PTPRD: variants seen among roughly 807,000 people sequenced by gnomAD.
PTPRD encodes receptor-type tyrosine-protein phosphatase delta.
A neutral mutation model predicts 214.5 loss-of-function variants in PTPRD; 34 were observed. The ratio of observed to expected loss-of-function variants is 0.16; its 90% CI spans 0.12 to 0.21. The LOEUF (loss-of-function observed/expected upper bound fraction) is 0.21, where lower values mean the gene tolerates loss of function less well. PTPRD is among the 10% of genes least tolerant of loss of function. The pLI is 1.00. For synonymous variants in PTPRD, 1,128 were observed against 845.7 expected (o/e 1.33, Z -5.79); for missense variants, 2,545 against 2,398.7 (o/e 1.06, Z -1.27).
chr9:8,427,248 A>G (rs566342070), intron 35 of PTPRD, among the ~76,000 whole-genome samples: 1 of 152,306 alleles, frequency 6.6e-6, no homozygotes, highest in Admixed American at 6.5e-5. Context: ...TAGAGATAGT[A>G]ATAGCCTATT....
chr9:8,860,633 T>C (rs906350478), intron 11 of PTPRD: 4 of 152,214 alleles, frequency 2.6e-5, no homozygotes, highest in African/African-American at 9.7e-5. Context: ...ACACTCATGT[T>C]AATATATTCA....
At chr9:8,353,144 C>T (rs1435722344) in intron 39 of PTPRD, among the ~76,000 whole-genome samples, 2 of 152,038 alleles carry the variant, frequency 1.3e-5, no homozygotes, top group African/African-American at 2.4e-5. Flanking sequence ...AGGCTATTAT[C>T]GTTATTTAAA....
At chr9:8,915,813 C>T (rs2098781860) in intron 11 of PTPRD, among the ~76,000 whole-genome samples, 1 of 152,176 alleles carries the variant, frequency 6.6e-6, no homozygotes, top group Non-Finnish European at 1.5e-5. Context: ...TTAGGAAGAG[C>T]AAGCTGCCAA....
At chr9:9,413,811 T>C (rs142495658) in intron 8 of PTPRD, among the ~76,000 whole-genome samples, 1 of 152,210 alleles carries the variant, frequency 6.6e-6, no homozygotes, top group Non-Finnish European at 1.5e-5. Context: ...TTTAAAGTAG[T>C]AATCACACTG....
chr9:10,267,953 GT>G (rs1032555001), intron 3 of PTPRD, among the ~76,000 whole-genome samples: 2 of 151,900 alleles, frequency 1.3e-5, no homozygotes, highest in African/African-American at 4.8e-5. Flanking sequence ...AGAAAATTTT[GT>G]CAAAATTTAT....
chr9:10,546,563 GAACA>G (rs2060217921), intron 2 of PTPRD, among the ~76,000 whole-genome samples: 2 of 151,774 alleles, frequency 1.3e-5, no homozygotes, highest in South Asian at 4.1e-4. Context: ...AGTGAGGAAA[GAACA>G]AATATTGTAT....
chr9:10,217,332 A>C lies in PTPRD; in HGVS notation c.-545+123631T>G, dbSNP rs78057475. On this transcript the variant is annotated intron_variant, in intron 3 of 45. Coordinates refer to ENST00000381196, the MANE Select transcript of PTPRD (RefSeq NM_002839.4). Reference sequence around the variant, plus strand: ...CAAACACACACACTACACAAAGATTAGCCTCTGAGACCTGAAAGAAAATTA... The same window carrying C: ...CAAACACACACACTACACAAAGATTCGCCTCTGAGACCTGAAAGAAAATTA... 2.6e-3 allele frequency among the ~76,000 whole-genome samples: 395 copies of C among 151,856 alleles called. 3 individuals carry two copies. Among genetic ancestry groups the C allele is most frequent in the Middle Eastern group, 0.02 (6 of 294 alleles).
Position 8,455,788 on chromosome 9 carries a change from G to T in PTPRD, c.3875+4623C>A, listed in dbSNP as rs569852257. Among the ~76,000 whole-genome samples, 3 of 152,220 alleles carry T rather than the reference G, an allele frequency of 2.0e-5. No homozygotes were observed. The East Asian group carries it at 5.8e-4, about 29-fold the overall frequency. ...CCAATTTGCTCACTTTTTAAAATCA[G>T]TGACTTTATCAGGGAATCAGTTGTA... On this transcript the variant is annotated intron_variant, in intron 33 of 45. Transcript: ENST00000381196.
At chr9:10,594,699 A>G (rs2076230366) in intron 2 of PTPRD, among the ~76,000 whole-genome samples, 1 of 151,978 alleles carries the variant, frequency 6.6e-6, no homozygotes. Context: ...CTTCAGAGGT[A>G]CAAGGTCACA....
At chr9:9,248,829 A>G (rs1403589010) in intron 9 of PTPRD, among the ~76,000 whole-genome samples, 1 of 152,092 alleles carries the variant, frequency 6.6e-6, no homozygotes, top group Non-Finnish European at 1.5e-5. Flanking sequence ...CCATGGAGAC[A>G]AACATAAGCA....
chr9:9,678,738 G>C (rs1437524292), intron 7 of PTPRD, among the ~76,000 whole-genome samples: 1 of 151,686 alleles, frequency 6.6e-6, no homozygotes, highest in Non-Finnish European at 1.5e-5. Context: ...GCATAACAAG[G>C]AGTCAGTCTA....
At chr9:9,226,120 TA>T (rs1314239298) in intron 9 of PTPRD, among the ~76,000 whole-genome samples, 1 of 151,948 alleles carries the variant, frequency 6.6e-6, no homozygotes, top group Non-Finnish European at 1.5e-5. Context: ...TATTTGCACT[TA>T]AAAGGCTGCT....
chr9:8,670,713 G>C (rs1387302397), intron 12 of PTPRD, among the ~76,000 whole-genome samples: 1 of 152,180 alleles, frequency 6.6e-6, no homozygotes. Context: ...GACAAAAAGA[G>C]ATTCAGTGCC....
At chr9:9,095,832 C>G (rs2099782722) in intron 10 of PTPRD, among the ~76,000 whole-genome samples, 2 of 152,052 alleles carry the variant, frequency 1.3e-5, no homozygotes, top group South Asian at 2.1e-4. Flanking sequence ...TTCTCAATAG[C>G]CAAGATATGG....
chr9:9,705,138 T>A (rs1342423584), intron 7 of PTPRD, among the ~76,000 whole-genome samples: 1 of 152,204 alleles, frequency 6.6e-6, no homozygotes, highest in East Asian at 1.9e-4. Flanking sequence ...TCCTACATAC[T>A]TGGCTGAATC....
intron 10 of PTPRD, among the ~76,000 whole-genome samples, chr9:9,135,900 T>A (rs1033658581): frequency 2.6e-5 from 4 of 152,056 alleles, no homozygotes; most frequent in African/African-American, 9.7e-5. Flanking sequence ...CATTTTGGAA[T>A]AAGCTCATTA....
At chr9:10,356,170 C>A (rs954659077) in intron 2 of PTPRD, among the ~76,000 whole-genome samples, 5 of 151,324 alleles carry the variant, frequency 3.3e-5, no homozygotes, top group African/African-American at 1.2e-4. Context: ...AACTGCCTGG[C>A]CACAGGCTAG....
intron 12 of PTPRD, among the ~76,000 whole-genome samples, chr9:8,707,422 C>T (rs1485410689): frequency 6.6e-6 from 1 of 152,210 alleles, no homozygotes; most frequent in East Asian, 1.9e-4. Context: ...TGAGTTACTT[C>T]AGAGTAACCA....
chr9:10,536,386 T>G (rs2135031180), intron 2 of PTPRD, among the ~76,000 whole-genome samples: 1 of 152,282 alleles, frequency 6.6e-6, no homozygotes, highest in East Asian at 1.9e-4. Context: ...TCAAGATTTC[T>G]TCTTTTGTTC....
Sources: allele counts gnomAD v4.1 joint callset (sites outside exome capture counted in the v4.1 genomes callset), GRCh38; gene constraint gnomAD v4.1.1; transcripts MANE v1.5; gene names NCBI Gene and HGNC (gene_info 2026-07-23, HGNC 2026-07-21).